Variants in SCGB1A1 observed in about 807,000 individuals in gnomAD.
SCGB1A1 encodes the protein secretoglobin family 1A member 1.
SCGB1A1 carries 8 observed loss-of-function variants against 7.5 expected under a neutral mutation model. The ratio of observed to expected loss-of-function variants is 1.07; its 90% CI spans 0.63 to 1.92. The LOEUF (loss-of-function observed/expected upper bound fraction) is 1.92. Among genes scored for constraint, SCGB1A1 ranks in the 30% most tolerant of loss-of-function variants. The pLI, the probability that SCGB1A1 is intolerant of heterozygous loss-of-function variation, is 0.00. For missense variants in SCGB1A1, 121 were observed against 112.7 expected (o/e 1.07, Z -0.33); for synonymous variants, 44 against 40.8 (o/e 1.08, Z -0.30).
At chr11:62,421,561 G>A (rs1937792758) in intron 1 of SCGB1A1, among the ~76,000 whole-genome samples, 1 of 151,886 alleles carries the variant, frequency 6.6e-6, no homozygotes. Flanking sequence ...GCCCAGGCTG[G>A]AGTGCAGTGA....
chr11:62,422,332 G>A lies in SCGB1A1; in HGVS notation c.167G>A (p.Arg56Lys), dbSNP rs1487821650. Residue 56 changes from arginine (R) to lysine (K), a missense_variant, in exon 2 of 3, where the codon AGG becomes AAG. By Grantham distance (26) the Arg-to-Lys change is conservative. Transcript: ENST00000278282. ...CTTTTCAGCCCTGATCAAGACATGA[G>A]GGAGGCAGGGGCTCAGCTGAAGAAG... ...MELFSPDQDMREAGAQLKKLV... is the reference protein window; with the variant it reads ...MELFSPDQDMKEAGAQLKKLV... The A allele has an allele frequency of 6.2e-7, 1 of 1,614,002 alleles. No individual in the cohort carries two copies. The highest frequency in any genetic ancestry group is 1.7e-5 in the Admixed American group (1 of 60,002).
rs1937816595 is a variant in SCGB1A1, at chr11:62,422,310, T to C, written c.145T>C (p.Phe49Leu). ...PSSYEAAMEL[F>L]SPDQDMREAG... ...CAGTTATGAGGCTGCCATGGAACTT[T>C]TCAGCCCTGATCAAGACATGAGGGA... The change falls in exon 2 of 3, where the codon TTC (phenylalanine) becomes CTC (leucine). Residue 49 changes from phenylalanine to leucine, a missense_variant. Transcript: ENST00000278282. 6.2e-7 allele frequency: 1 copy of C among 1,614,104 alleles called. No homozygotes were observed. Among genetic ancestry groups the C allele is most frequent in the Non-Finnish European group, 8.5e-7 (1 of 1,179,990 alleles).
In SCGB1A1 at chr11:62,421,476, C is replaced by T. The variant is rs55669050; in HGVS notation, c.56-745C>T. ...GGCTTCTTTTCTTTTCTTTTCTTTT[C>T]TTCTTTTTCTTTTCTCTTGCTTGCT... On this transcript the variant is annotated intron_variant, in intron 1 of 2. Transcript: ENST00000278282. Among the ~76,000 whole-genome samples, 902 of 124,556 alleles carry T rather than the reference C, an allele frequency of 7.2e-3. 4 individuals are homozygous for T. Among genetic ancestry groups the T allele is most frequent in the Middle Eastern group, 0.06 (15 of 248 alleles). 81.7% of individuals were successfully genotyped at this position (124,556 alleles called of 152,430 possible). A position where few individuals can be genotyped will look rare whatever the true frequency, so the allele number is the denominator to read the frequency against.
In SCGB1A1 at chr11:62,419,142, G is replaced by A; in HGVS notation, c.47G>A (p.Cys16Tyr). ...ACCCTGGTCACACTGGCTCTCTGCT[G>A]CAGCTCCGGTGAGTGCTCAGAGACC... ...TLTLVTLALC[C>Y]SSASAEICPS... Residue 16 changes from cysteine (C) to tyrosine (Y), a missense_variant, in exon 1 of 3, where the codon TGC (cysteine) becomes TAC (tyrosine). Transcript: ENST00000278282. The A allele has an allele frequency of 6.4e-7, 1 of 1,572,008 alleles. No individual in the cohort carries two copies.
At chr11:62,421,672 C>A (rs190590432) in intron 1 of SCGB1A1, among the ~76,000 whole-genome samples, 5 of 152,090 alleles carry the variant, frequency 3.3e-5, no homozygotes, top group Admixed American at 3.3e-4. Context: ...GAACCACGCC[C>A]GGCTAATTTT....
At chr11:62,421,470 TC>T (rs1937788953) in intron 1 of SCGB1A1, among the ~76,000 whole-genome samples, 1 of 149,760 alleles carries the variant, frequency 6.7e-6, no homozygotes, top group Non-Finnish European at 1.5e-5. Flanking sequence ...TCTTTTCTTT[TC>T]TTTTCTTCTT....
At position 62,419,091 on chromosome 11, in the gene SCGB1A1, C is replaced by T; in HGVS notation, c.-5C>T. ...AGACGGGCCAGAGCATCCCCCTCCTCCACCATGAAACTCGCTGTCACCCTC... is the reference window on the plus strand; with the variant it reads ...AGACGGGCCAGAGCATCCCCCTCCTTCACCATGAAACTCGCTGTCACCCTC... On this transcript the variant is annotated 5_prime_UTR_variant, in exon 1 of 3. Coordinates refer to ENST00000278282, the MANE Select transcript of SCGB1A1 (RefSeq NM_003357.5). 2 of 1,585,404 alleles carry T rather than the reference C, an allele frequency of 1.3e-6. No homozygotes were observed. The highest frequency in any genetic ancestry group is 1.2e-5 in the South Asian group (1 of 86,072).
At chr11:62,419,200 G>C (rs749666869) in intron 1 of SCGB1A1, 50 bp downstream of exon 1, 2 of 1,369,450 alleles carry the variant, frequency 1.5e-6, no homozygotes, top group Non-Finnish European at 1.9e-6. Flanking sequence ...GAACTCTCAG[G>C]ACCCCCCAGT....
At chr11:62,422,182 G>C (rs1481110015) in intron 1 of SCGB1A1, 39 bp from the exon 2 acceptor site, 3 of 1,545,572 alleles carry the variant, frequency 1.9e-6, no homozygotes, top group Non-Finnish European at 1.8e-6. Flanking sequence ...GCTTGGAAAG[G>C]GGCCTGGAGA....
rs534892047 is a variant in SCGB1A1, at chr11:62,422,391, A to G, written c.226A>G (p.Ser76Gly). ...VDTLPQKPRE[S>G]IIKLMEKIAQ... ...CACCCTCCCCCAAAAGCCCAGAGAA[A>G]GCATCATTAAGCTCATGGTAACCAG... The change falls in exon 2 of 3, where the codon AGC becomes GGC. Residue 76 changes from serine to glycine, a missense_variant. Physicochemically the swap from Ser to Gly is moderately conservative, Grantham distance 56. Transcript: ENST00000278282. The G allele has an allele frequency of 6.2e-7, 1 of 1,613,180 alleles. No homozygotes were observed. The highest frequency in any genetic ancestry group is 8.5e-7 in the Non-Finnish European group (1 of 1,179,434).
At chr11:62,419,542 C>G (rs1308710477) in intron 1 of SCGB1A1, among the ~76,000 whole-genome samples, 2 of 152,192 alleles carry the variant, frequency 1.3e-5, no homozygotes, top group African/African-American at 4.8e-5. Context: ...TCTGGGGTCT[C>G]CACTCCATGC....
At chr11:62,421,974 A>G (rs1052123588) in intron 1 of SCGB1A1, 1 of 307,630 alleles carries the variant, frequency 3.3e-6, no homozygotes, top group Non-Finnish European at 6.0e-6. Context: ...TCAGGCCAGC[A>G]GCTTCTATGA....
At chr11:62,422,534 C>A in intron 2 of SCGB1A1, 126 bp downstream of exon 2, 1 of 664,472 alleles carries the variant, frequency 1.5e-6, no homozygotes, top group Non-Finnish European at 2.5e-6. Flanking sequence ...TGTCCCCAGG[C>A]AGGCAGCACA....
chr11:62,419,577 G>T (rs567425035), intron 1 of SCGB1A1, among the ~76,000 whole-genome samples: 4 of 152,322 alleles, frequency 2.6e-5, no homozygotes, highest in Admixed American at 1.3e-4. Context: ...ACTGGAAGGG[G>T]AGCTGCAGGG....
Position 62,423,028 on chromosome 11 carries a change from G to A in SCGB1A1, c.244-31G>A, listed in dbSNP as rs747925716. 26 of 1,608,474 alleles carry A rather than the reference G, an allele frequency of 1.6e-5. No homozygotes were observed. The African/African-American group carries it at 2.5e-4, about 16-fold the overall frequency. On this transcript the variant is annotated intron_variant, in intron 2 of 2. Transcript: ENST00000278282. ...TGCAATTCATTCACTGTTGTATTGG[G>A]TTTTTCTGTTTCTTTGTCTATTTGT... is the stretch of plus-strand genomic sequence containing the variant.
chr11:62,422,212 G>C lies in SCGB1A1; in HGVS notation c.56-9G>C, dbSNP rs1030278088. On this transcript the variant is annotated splice_polypyrimidine_tract_variant and intron_variant, in intron 1 of 2. Transcript: ENST00000278282. ...TGGAGACATGTGCCTTCTCTCCTCT[G>C]TGTTGCAGCTTCTGCAGAGATCTGC... The C allele has an allele frequency of 6.2e-7, 1 of 1,602,800 alleles. No homozygotes were observed. The highest frequency in any genetic ancestry group is 1.3e-5 in the African/African-American group (1 of 74,872).
At position 62,422,375 on chromosome 11, in the gene SCGB1A1, C is replaced by G. The variant is rs745369225; in HGVS notation, c.210C>G (p.Pro70=). 4.3e-6 allele frequency: 7 copies of G among 1,613,718 alleles called. No individual in the cohort carries two copies. Among genetic ancestry groups the G allele is most frequent in the African/African-American group, 4.0e-5 (3 of 74,908 alleles). Residue 70 remains proline, a synonymous_variant, in exon 2 of 3, where the codon CCC becomes CCG. Coordinates refer to ENST00000278282, the MANE Select transcript of SCGB1A1 (RefSeq NM_003357.5). ...TGAAGAAGCTGGTGGACACCCTCCC[C>G]CAAAAGCCCAGAGAAAGCATCATTA... The part of the protein sequence containing the change: ...AQLKKLVDTL[P]QKPRESIIKL...
At chr11:62,419,283 T>C in intron 1 of SCGB1A1, 133 bp downstream of exon 1, 1 of 667,592 alleles carries the variant, frequency 1.5e-6, no homozygotes, top group Non-Finnish European at 2.2e-6. Flanking sequence ...ATGCTGAGTC[T>C]CAGAAAACTG....
intron 1 of SCGB1A1, among the ~76,000 whole-genome samples, chr11:62,419,353 T>G (rs1308928677): frequency 6.6e-6 from 1 of 152,090 alleles, no homozygotes; most frequent in African/African-American, 2.4e-5. Flanking sequence ...TAAGGAAGCC[T>G]AAAAAGGGTC....
Sources: allele counts gnomAD v4.1 joint callset (sites outside exome capture counted in the v4.1 genomes callset), GRCh38; gene constraint gnomAD v4.1.1; transcripts MANE v1.5; gene names NCBI Gene and HGNC (gene_info 2026-07-23, HGNC 2026-07-21).